The following COL27A1 variants were observed in gnomAD, a reference collection of about 807,000 sequenced individuals.
The protein encoded by COL27A1 is collagen alpha-1(XXVII) chain.
Under a neutral mutation model 251.3 loss-of-function variants are expected in COL27A1, and 106 were observed. The ratio of observed to expected loss-of-function variants is 0.42; its 90% CI spans 0.36 to 0.50. COL27A1 has a LOEUF of 0.50. COL27A1 is among the 20% of genes least tolerant of loss of function. The probability of loss-of-function intolerance (pLI) is 0.00; values close to 1 mark genes in which losing one functional copy is unlikely to be tolerated. For synonymous variants in COL27A1, 1,000 were observed against 986.3 expected (o/e 1.01, Z -0.26); for missense variants, 2,325 against 2,522.8 (o/e 0.92, Z 1.68).
chr9:114,222,049 C>G (rs917504094), intron 13 of COL27A1, among the ~76,000 whole-genome samples, 174 bp from the exon 14 acceptor site: 1 of 152,210 alleles, frequency 6.6e-6, no homozygotes, highest in Non-Finnish European at 1.5e-5. Context: ...GAGGGGATGG[C>G]TGTGGTCCAA....
chr9:114,306,931 A>G, intron 58 of COL27A1: 1 of 496,446 alleles, frequency 2.0e-6, no homozygotes, highest in East Asian at 3.7e-5. Flanking sequence ...AGGCTGTAAG[A>G]GTCCCCACCC....
chr9:114,231,787 T>C, intron 15 of COL27A1, 35 bp from the exon 16 acceptor site: 1 of 1,612,590 alleles, frequency 6.2e-7, no homozygotes, highest in Middle Eastern at 1.6e-4. Flanking sequence ...TGGCCTAGAG[T>C]CCCATCACAG....
chr9:114,264,851 TG>T, intron 29 of COL27A1, 72 bp from the exon 30 acceptor site: 1 of 1,503,648 alleles, frequency 6.7e-7, no homozygotes, highest in Non-Finnish European at 9.1e-7. Flanking sequence ...ATCTCCCATG[TG>T]GAGGGGTCCC....
chr9:114,169,057 C>T lies in COL27A1; in HGVS notation c.1502C>T (p.Thr501Ile), dbSNP rs576505138. 105 of 1,614,024 alleles carry T rather than the reference C, an allele frequency of 6.5e-5. 1 individual carries two copies. The South Asian group carries it at 1.1e-3, about 17-fold the overall frequency. ...PAPTPGSTRS[T>I]RPPATMVPPT... ...CCTACTCCTGGTTCTACCAGGAGTA[C>T]TCGGCCACCAGCCACGATGGTACCT... The change falls in exon 3 of 61, where the codon ACT becomes ATT. Residue 501 changes from threonine (T) to isoleucine (I), a missense_variant. This residue lies in a region of COL27A1 where 1,183 missense variants were observed against 1,144.1 expected (regional missense o/e 1.03). Coordinates refer to ENST00000356083, the MANE Select transcript of COL27A1 (RefSeq NM_032888.4).
chr9:114,276,561 C>A (rs974292303), intron 37 of COL27A1, among the ~76,000 whole-genome samples: 4 of 152,168 alleles, frequency 2.6e-5, no homozygotes, highest in Admixed American at 2.6e-4. Context: ...GCTGAGATTG[C>A]GCCACTGCAC....
intron 7 of COL27A1, among the ~76,000 whole-genome samples, chr9:114,197,411 A>G (rs536488193): frequency 1.2e-4 from 18 of 152,306 alleles, no homozygotes; most frequent in African/African-American, 4.3e-4. Flanking sequence ...TGAGCTGGGA[A>G]ACATGGTCCT....
chr9:114,178,101 T>TG (rs1827611438), intron 3 of COL27A1, among the ~76,000 whole-genome samples, 190 bp from the exon 4 acceptor site: 1 of 152,162 alleles, frequency 6.6e-6, no homozygotes, highest in African/African-American at 2.4e-5. Context: ...AGTGACTGAA[T>TG]AGTAGCTATG....
At chr9:114,166,282 T>G (rs1848849763) in intron 2 of COL27A1, among the ~76,000 whole-genome samples, 1 of 151,586 alleles carries the variant, frequency 6.6e-6, no homozygotes, top group African/African-American at 2.4e-5. Context: ...CACCCATCCA[T>G]CCATCCATCT....
In COL27A1 at chr9:114,252,591, A is replaced by G; in HGVS notation, c.3034-2A>G. ...CTGCCTGCATTGCTGTCTCCATCAC[A>G]GGGTGATCGTGGCATGATGGGACCC... On this transcript the variant is annotated splice_acceptor_variant, in intron 25 of 60. Coordinates refer to ENST00000356083, the MANE Select transcript of COL27A1 (RefSeq NM_032888.4). LOFTEE classifies it high-confidence loss of function. 6.2e-7 allele frequency: 1 copy of G among 1,613,836 alleles called. No individual in the cohort carries two copies. Among genetic ancestry groups the G allele is most frequent in the Non-Finnish European group, 8.5e-7 (1 of 1,179,938 alleles).
chr9:114,243,602 G>C (rs1418387510), intron 23 of COL27A1, 42 bp downstream of exon 23: 9 of 1,542,080 alleles, frequency 5.8e-6, no homozygotes, highest in African/African-American at 2.7e-5. Flanking sequence ...AGGAAAGAGG[G>C]GATCCTACAT....
At chr9:114,169,570 A>G in intron 3 of COL27A1, 107 bp downstream of exon 3, 1 of 908,932 alleles carries the variant, frequency 1.1e-6, no homozygotes, top group South Asian at 2.0e-5. Flanking sequence ...AGCTTAGAGC[A>G]GGGAGCTGGT....
chr9:114,258,636 G>A, intron 28 of COL27A1, 42 bp downstream of exon 28: 1 of 1,600,878 alleles, frequency 6.2e-7, no homozygotes, highest in Non-Finnish European at 8.5e-7. Context: ...CTGGTGGGAG[G>A]GGGCACACTT....
chr9:114,201,284 G>A (rs967830258), intron 7 of COL27A1, among the ~76,000 whole-genome samples: 1 of 152,200 alleles, frequency 6.6e-6, no homozygotes, highest in Non-Finnish European at 1.5e-5. Flanking sequence ...CACTGCCCAC[G>A]GGCCCACTTC....
At position 114,290,134 on chromosome 9, in the gene COL27A1, T is replaced by C; in HGVS notation, c.4260+23T>C. On this transcript the variant is annotated intron_variant, in intron 46 of 60. Coordinates refer to ENST00000356083, the MANE Select transcript of COL27A1 (RefSeq NM_032888.4). This position sits in a 1 kb window ranked among gnomAD's most constrained non-coding sequence, Gnocchi z 4.6. ...CAGGTGAGTGACTACAGCTGCTGTTTCCAGCCAACCTCCCTGCCCGCCCCC... is the reference window on the plus strand; with the variant it reads ...CAGGTGAGTGACTACAGCTGCTGTTCCCAGCCAACCTCCCTGCCCGCCCCC... The C allele has an allele frequency of 6.2e-7, 1 of 1,611,336 alleles. No homozygotes were observed.
At chr9:114,175,584 C>A (rs4979346) in intron 3 of COL27A1, among the ~76,000 whole-genome samples, 2 of 152,104 alleles carry the variant, frequency 1.3e-5, no homozygotes, top group Admixed American at 6.5e-5. Flanking sequence ...TCAAGGAGTC[C>A]GCCTGTGGGC....
chr9:114,220,951 C>T (rs1215344422), intron 13 of COL27A1, among the ~76,000 whole-genome samples: 4 of 148,680 alleles, frequency 2.7e-5, no homozygotes, highest in African/African-American at 9.9e-5. Context: ...GCCAAGATCA[C>T]GCCACTACAC....
intron 56 of COL27A1, among the ~76,000 whole-genome samples, chr9:114,302,894 C>T (rs905044527): frequency 2.0e-5 from 3 of 152,106 alleles, no homozygotes; most frequent in African/African-American, 4.8e-5. Flanking sequence ...CTATTACCAT[C>T]AGGCCCCAAC....
At chr9:114,162,588 C>T (rs1373552604) in intron 1 of COL27A1, 127 bp from the exon 2 acceptor site, 3 of 699,224 alleles carry the variant, frequency 4.3e-6, no homozygotes, top group Non-Finnish European at 7.6e-6. Flanking sequence ...TGTACCTGGC[C>T]TCCTGCCTCC....
chr9:114,301,047 A>T (rs377351633), intron 51 of COL27A1, 25 bp from the exon 52 acceptor site: 1 of 1,587,168 alleles, frequency 6.3e-7, no homozygotes, highest in East Asian at 2.2e-5. Context: ...GAACAAGGAC[A>T]CATGAGCCTT....
Sources: allele counts gnomAD v4.1 joint callset (sites outside exome capture counted in the v4.1 genomes callset), GRCh38; gene constraint gnomAD v4.1.1; regional missense constraint gnomAD v4.1.1; non-coding constraint Gnocchi (gnomAD v3.1); transcripts MANE v1.5; gene names NCBI Gene and HGNC (gene_info 2026-07-23, HGNC 2026-07-21).